SPG7: variants seen among roughly 807,000 people sequenced by gnomAD.
The protein encoded by SPG7 is SPG7 matrix AAA peptidase subunit, paraplegin, also known as mitochondrial inner membrane m-AAA protease component paraplegin.
In SPG7, 103 loss-of-function variants were observed where a neutral mutation model predicts 81.9. That is an observed-to-expected ratio of 1.26 (90% confidence interval 1.07 to 1.48). SPG7 has a LOEUF of 1.48. Ranked by LOEUF, SPG7 falls within the 40% of genes most tolerant of loss-of-function variation. The pLI, the probability that SPG7 is intolerant of heterozygous loss-of-function variation, is 0.00. For missense variants in SPG7, 1,241 were observed against 1,087.3 expected (o/e 1.14, Z -1.99); for synonymous variants, 534 against 444.2 (o/e 1.20, Z -2.54).
At chr16:89,511,836 A>G (rs1234722103) in intron 2 of SPG7, among the ~76,000 whole-genome samples, 2 of 152,076 alleles carry the variant, frequency 1.3e-5, no homozygotes, top group Admixed American at 1.3e-4. Flanking sequence ...CCTCCCACTC[A>G]GCGTCCTGAG....
chr16:89,536,737 T>C, intron 9 of SPG7: 1 of 1,612,708 alleles, frequency 6.2e-7, no homozygotes, highest in Non-Finnish European at 8.5e-7. Flanking sequence ...CTTCGTCCTG[T>C]GAGTCTGCGG....
chr16:89,544,892 C>G, intron 10 of SPG7, 120 bp downstream of exon 10: 2 of 1,287,654 alleles, frequency 1.6e-6, no homozygotes, highest in Admixed American at 3.5e-5. Context: ...CCCACAGGTG[C>G]TGGCAGTGTC....
chr16:89,545,828 A>T, intron 10 of SPG7: 1 of 410,240 alleles, frequency 2.4e-6, no homozygotes, highest in Non-Finnish European at 4.8e-6. Context: ...CTATTCTGCT[A>T]TAATTTTTTC....
intron 6 of SPG7, 76 bp from the exon 7 acceptor site, chr16:89,530,607 G>A (rs545379458): frequency 3.1e-5 from 50 of 1,588,336 alleles, no homozygotes; most frequent in Admixed American, 2.2e-4. Context: ...GCTCAGGTGC[G>A]TGGGCTGAGC....
chr16:89,536,704 C>T (rs952736403), intron 9 of SPG7: 2 of 1,600,860 alleles, frequency 1.2e-6, no homozygotes, highest in Non-Finnish European at 1.7e-6. Flanking sequence ...GCTGCTCTGG[C>T]TGTGTGGCGT....
chr16:89,555,665 T>G, intron 16 of SPG7: 5 of 386,182 alleles, frequency 1.3e-5, no homozygotes, highest in East Asian at 3.7e-5. Flanking sequence ...GTTTTGAGGA[T>G]TGGTCTCATG....
At chr16:89,535,456 C>T (rs1331790635) in intron 9 of SPG7, among the ~76,000 whole-genome samples, 1 of 152,214 alleles carries the variant, frequency 6.6e-6, no homozygotes, top group Non-Finnish European at 1.5e-5. Context: ...ATGCTTCACA[C>T]CTCTCCTGCT....
At chr16:89,512,757 T>C (rs980072011) in intron 2 of SPG7, among the ~76,000 whole-genome samples, 191 bp from the exon 3 acceptor site, 2 of 152,260 alleles carry the variant, frequency 1.3e-5, no homozygotes, top group African/African-American at 4.8e-5. Context: ...TTTATTATTT[T>C]GTAATTAGGA....
intron 9 of SPG7, among the ~76,000 whole-genome samples, chr16:89,534,363 G>A (rs1204304805): frequency 6.6e-6 from 1 of 152,226 alleles, no homozygotes; most frequent in African/African-American, 2.4e-5. Context: ...GAACGATGCT[G>A]CCTTGTGTGT....
At chr16:89,549,587 G>A in intron 12 of SPG7, 1 of 251,924 alleles carries the variant, frequency 4.0e-6, no homozygotes, top group South Asian at 4.5e-5. Context: ...AGGATTGCTT[G>A]AACCTGGGAG....
chr16:89,555,773 C>A (rs768156360), intron 16 of SPG7: 4 of 398,234 alleles, frequency 1.0e-5, no homozygotes, highest in South Asian at 1.3e-4. Flanking sequence ...GTAACTGCTG[C>A]TTAGAACTCA....
chr16:89,537,107 C>T, intron 9 of SPG7: 1 of 1,500,484 alleles, frequency 6.7e-7, no homozygotes. Context: ...AGAGCCACAG[C>T]TGTGCATGCT....
In SPG7 at chr16:89,508,570, C is replaced by T. The variant is rs779856515; in HGVS notation, c.153C>T (p.Asp51=). 3 of 1,491,756 alleles carry T rather than the reference C, an allele frequency of 2.0e-6. No homozygotes were observed. Among genetic ancestry groups the T allele is most frequent in the Non-Finnish European group, 2.7e-6 (3 of 1,126,600 alleles). 92.4% of individuals were successfully genotyped at this position (1,491,756 alleles called of 1,614,324 possible). Residue 51 remains aspartate, a synonymous_variant, in exon 1 of 17, where the codon GAC becomes GAT. Coordinates refer to ENST00000645818, the MANE Select transcript of SPG7 (RefSeq NM_003119.4). ...RPYMASRPPG[D]LAEAGGRALQ... is the part of the protein sequence containing the mutation. ...ACATGGCCAGCAGGCCTCCGGGGGA[C>T]CTCGCCGAGGCTGGAGGCCGAGCTC...
chr16:89,530,674 T>C lies in SPG7; in HGVS notation c.862-9T>C. The stretch of plus-strand genomic sequence containing the variant: ...GCCCAGCTCCTTGCACTTTGTTCTT[T>C]CTGCACAGAATCAGCTTAAAATGGC... On this transcript the variant is annotated splice_polypyrimidine_tract_variant and intron_variant, in intron 6 of 16. Coordinates refer to ENST00000645818, the MANE Select transcript of SPG7 (RefSeq NM_003119.4). The C allele has an allele frequency of 1.2e-6, 2 of 1,614,108 alleles. No individual in the cohort carries two copies. Among genetic ancestry groups the C allele is most frequent in the South Asian group, 2.2e-5 (2 of 91,080 alleles).
At chr16:89,554,403 C>T in intron 15 of SPG7, 83 bp from the exon 16 acceptor site, 1 of 925,784 alleles carries the variant, frequency 1.1e-6, no homozygotes, top group South Asian at 1.4e-5. Flanking sequence ...GGCCGTGTTC[C>T]CAGTCTGCCA....
At position 89,548,004 on chromosome 16, in the gene SPG7, G is replaced by T; in HGVS notation, c.1554G>T (p.Gly518=). 1.2e-6 allele frequency: 2 copies of T among 1,612,490 alleles called. No individual in the cohort carries two copies. Among genetic ancestry groups the T allele is most frequent in the South Asian group, 2.2e-5 (2 of 91,080 alleles). ...CACCGTGGCTGTTTGTGTTGACAGG[G>T]GCTGACATCGCCAACATCTGCAATG... The part of the protein sequence containing the change: ...RLAELTPGFS[G]ADIANICNEA... Residue 518 remains glycine, a splice_region_variant and synonymous_variant, in exon 12 of 17, where the codon GGG becomes GGT. Coordinates refer to ENST00000645818, the MANE Select transcript of SPG7 (RefSeq NM_003119.4).
At chr16:89,554,657 A>T (rs756828502) in intron 16 of SPG7, 94 bp downstream of exon 16, 25 of 812,020 alleles carry the variant, frequency 3.1e-5, no homozygotes, top group Non-Finnish European at 4.5e-5. Context: ...TTTCCAAGGC[A>T]CACAGAGTAC....
At chr16:89,520,159 C>G (rs2058166016) in intron 3 of SPG7, 1 of 152,574 alleles carries the variant, frequency 6.6e-6, no homozygotes, top group African/African-American at 2.4e-5. Context: ...TCTCAGCATC[C>G]TGAATAACCG....
chr16:89,509,819 C>A (rs1390712467), intron 1 of SPG7, among the ~76,000 whole-genome samples: 16 of 137,086 alleles, frequency 1.2e-4, no homozygotes, highest in Admixed American at 1.5e-4. Context: ...GTGACAATCT[C>A]GCTGTGTCGC....
Sources: allele counts gnomAD v4.1 joint callset (sites outside exome capture counted in the v4.1 genomes callset), GRCh38; gene constraint gnomAD v4.1.1; transcripts MANE v1.5; gene names NCBI Gene and HGNC (gene_info 2026-07-23, HGNC 2026-07-21).